The following PCCA variants were observed in gnomAD, a reference collection of about 807,000 sequenced individuals.
PCCA encodes propionyl-CoA carboxylase alpha chain, mitochondrial.
A neutral mutation model predicts 101.3 loss-of-function variants in PCCA; 74 were observed. That is an observed-to-expected ratio of 0.73 (90% confidence interval 0.61 to 0.89). The LOEUF is 0.89. Among genes scored for constraint, PCCA ranks in the 40% least tolerant of loss-of-function variants. PCCA has a pLI of 0.00. For synonymous variants in PCCA, 294 were observed against 313.6 expected (o/e 0.94, Z 0.66); for missense variants, 891 against 907.0 (o/e 0.98, Z 0.23).
intron 1 of PCCA, among the ~76,000 whole-genome samples, chr13:100,098,744 A>G (rs2047002963): frequency 6.6e-6 from 1 of 152,168 alleles, no homozygotes; most frequent in Admixed American, 6.5e-5. Flanking sequence ...TGAGCTTAGT[A>G]CAGAGGCAGA....
At chr13:100,321,906 A>G (rs1485283778) in intron 16 of PCCA, among the ~76,000 whole-genome samples, 2 of 152,094 alleles carry the variant, frequency 1.3e-5, no homozygotes, top group Non-Finnish European at 2.9e-5. Flanking sequence ...AAAAGGATGC[A>G]TAGGAAAATG....
chr13:100,427,076 G>C (rs1278633680), intron 20 of PCCA, among the ~76,000 whole-genome samples: 3 of 152,186 alleles, frequency 2.0e-5, no homozygotes, highest in African/African-American at 4.8e-5. Flanking sequence ...AATTAGCCGG[G>C]TGTGGTGGCG....
At chr13:100,182,723 T>G (rs1437337909) in intron 6 of PCCA, among the ~76,000 whole-genome samples, 1 of 152,086 alleles carries the variant, frequency 6.6e-6, no homozygotes, top group Admixed American at 6.6e-5. Flanking sequence ...CTGACTTCAT[T>G]GCTCCTAAGC....
At chr13:100,105,473 C>T (rs958603097) in intron 2 of PCCA, among the ~76,000 whole-genome samples, 4 of 151,950 alleles carry the variant, frequency 2.6e-5, no homozygotes, top group African/African-American at 4.8e-5. Context: ...ATACTACAAA[C>T]GGTTCAGCCA....
At chr13:100,460,166 G>A (rs1346695235) in intron 21 of PCCA, among the ~76,000 whole-genome samples, 1 of 152,070 alleles carries the variant, frequency 6.6e-6, no homozygotes, top group African/African-American at 2.4e-5. Flanking sequence ...TGCATGTTTT[G>A]GTGAAGCTGT....
Position 100,393,733 on chromosome 13 carries a change from T to C in PCCA, c.1746+25159T>C, listed in dbSNP as rs138993493. Among the ~76,000 whole-genome samples, 482 of 152,246 alleles carry C rather than the reference T, an allele frequency of 3.2e-3. 3 individuals are homozygous for C. Among genetic ancestry groups the C allele is most frequent in the African/African-American group, 0.011 (464 of 41,530 alleles). On this transcript the variant is annotated intron_variant, in intron 19 of 23. Transcript: ENST00000376285. ...GACCCTGCCTACTCAAGAGTCTTAA[T>C]TGAACATCAAAATCCTGGTTTTGTT...
chr13:100,175,609 CAT>C (rs1167325319), intron 6 of PCCA, among the ~76,000 whole-genome samples: 2 of 152,276 alleles, frequency 1.3e-5, no homozygotes, highest in East Asian at 1.9e-4. Context: ...GGTTTCAGCA[CAT>C]GTCAGTAATT....
At position 100,519,966 on chromosome 13, in the gene PCCA, T is replaced by C. The variant is rs148389234; in HGVS notation, c.2040+4399T>C. On this transcript the variant is annotated intron_variant, in intron 22 of 23. Coordinates refer to ENST00000376285, the MANE Select transcript of PCCA (RefSeq NM_000282.4). ...ATTTACAATCACAAAATAATTGCAG[T>C]AATTAAATTTATATGTTTTATAGCA... 7.0e-3 allele frequency among the ~76,000 whole-genome samples: 1,062 copies of C among 152,334 alleles called. 13 individuals carry two copies. Among genetic ancestry groups the C allele is most frequent in the African/African-American group, 0.024 (1,000 of 41,562 alleles).
At chr13:100,182,890 C>T (rs1423060058) in intron 6 of PCCA, among the ~76,000 whole-genome samples, 1 of 152,132 alleles carries the variant, frequency 6.6e-6, no homozygotes, top group Non-Finnish European at 1.5e-5. Flanking sequence ...ATGCCATTCA[C>T]AAGGTCTACA....
chr13:100,505,989 G>T, intron 21 of PCCA, among the ~76,000 whole-genome samples: 1 of 152,240 alleles, frequency 6.6e-6, no homozygotes, highest in Middle Eastern at 3.4e-3. Flanking sequence ...GCAGATCTTC[G>T]TAAATTTAAT....
chr13:100,230,513 C>T (rs1174593552), intron 7 of PCCA, among the ~76,000 whole-genome samples: 1 of 150,224 alleles, frequency 6.7e-6, no homozygotes, highest in Non-Finnish European at 1.5e-5. Flanking sequence ...CCACTGCACT[C>T]CAGCCTGAGT....
intron 6 of PCCA, among the ~76,000 whole-genome samples, chr13:100,163,776 ATTTGT>A (rs2054738352): frequency 1.3e-5 from 2 of 152,040 alleles, no homozygotes. Context: ...GCATTTTATT[ATTTGT>A]TTTCTCTCAG....
chr13:100,401,532 G>T (rs746433914), intron 19 of PCCA, among the ~76,000 whole-genome samples: 1 of 152,034 alleles, frequency 6.6e-6, no homozygotes, highest in East Asian at 1.9e-4. Flanking sequence ...GTGAGCCACC[G>T]TGCCCAGCCA....
intron 21 of PCCA, among the ~76,000 whole-genome samples, chr13:100,514,108 C>G (rs1307309313): frequency 6.6e-6 from 1 of 152,160 alleles, no homozygotes; most frequent in Non-Finnish European, 1.5e-5. Context: ...TTAATAGGAG[C>G]AAAAAGCTTT....
At chr13:100,296,841 G>A (rs568259922) in intron 12 of PCCA, among the ~76,000 whole-genome samples, 4 of 152,006 alleles carry the variant, frequency 2.6e-5, no homozygotes, top group African/African-American at 9.7e-5. Flanking sequence ...TTCCAATTTA[G>A]GGACTATATT....
chr13:100,339,622 G>T (rs189775087), intron 17 of PCCA, among the ~76,000 whole-genome samples: 1 of 152,210 alleles, frequency 6.6e-6, no homozygotes, highest in African/African-American at 2.4e-5. Flanking sequence ...GTGAGAGGAG[G>T]AGAGAGATTG....
At chr13:100,254,518 C>G (rs1458683286) in intron 8 of PCCA, among the ~76,000 whole-genome samples, 1 of 152,150 alleles carries the variant, frequency 6.6e-6, no homozygotes, top group Non-Finnish European at 1.5e-5. Context: ...CAACTTTTGA[C>G]TAAATATTTT....
At position 100,197,675 on chromosome 13, in the gene PCCA, C is replaced by T. The variant is rs529132446; in HGVS notation, c.469-11657C>T. Among the ~76,000 whole-genome samples the T allele has an allele frequency of 2.8e-4, 42 of 152,284 alleles. 1 individual carries two copies. The South Asian group carries it at 5.8e-3, about 21-fold the overall frequency. On this transcript the variant is annotated intron_variant, in intron 6 of 23. Coordinates refer to ENST00000376285, the MANE Select transcript of PCCA (RefSeq NM_000282.4). ...CAGGCTGTGATCCAGGCACCTTGGCCTCCCAAAGTGCTGAGATTACAGGCA... is the reference window on the plus strand; with the variant it reads ...CAGGCTGTGATCCAGGCACCTTGGCTTCCCAAAGTGCTGAGATTACAGGCA...
chr13:100,423,710 C>G (rs988573745), intron 19 of PCCA, among the ~76,000 whole-genome samples: 1 of 152,178 alleles, frequency 6.6e-6, no homozygotes, highest in Non-Finnish European at 1.5e-5. Flanking sequence ...TGTGAGTAAA[C>G]AGGATCTTGG....
Sources: gnomAD v4.1 joint callset for allele counts (sites outside exome capture counted in the v4.1 genomes callset) on GRCh38, gnomAD v4.1.1 for gene constraint, MANE v1.5 for transcripts, NCBI Gene and HGNC (gene_info 2026-07-23, HGNC 2026-07-21) for gene names.